The following JMJD1C variants were observed in gnomAD, a reference collection of about 807,000 sequenced individuals.
JMJD1C encodes the protein jumonji domain containing 1C, also known as jumonji domain-containing protein 1C.
In JMJD1C, 31 loss-of-function variants were observed where a neutral mutation model predicts 245.3. That is an observed-to-expected ratio of 0.13 (90% CI 0.09 to 0.17). The LOEUF is 0.17. Ranked by LOEUF, JMJD1C falls within the 10% of genes least tolerant of loss-of-function variation. The pLI, the probability that JMJD1C is intolerant of heterozygous loss-of-function variation, is 1.00. For missense variants in JMJD1C, 2,691 were observed against 3,000.2 expected, an observed-to-expected ratio of 0.90 and a Z score of 2.41; for synonymous variants, 1,057 against 1,017.4, an observed-to-expected ratio of 1.04 and a Z score of -0.74.
In JMJD1C at chr10:63,335,788, G is replaced by C. The variant is rs115365948; in HGVS notation, c.333+44530C>G. ...GGCCTCCCGAAGTGTTGAGATTACA[G>C]GCATGAACCACGGCGCCTGGCATAA... is the stretch of plus-strand genomic sequence containing the variant. On this transcript the variant is annotated intron_variant, in intron 2 of 25. Coordinates refer to ENST00000399262, the MANE Select transcript of JMJD1C (RefSeq NM_032776.3). Among the ~76,000 whole-genome samples, 1,100 of 152,114 alleles carry C rather than the reference G, an allele frequency of 7.2e-3. 17 individuals carry two copies. Among genetic ancestry groups the C allele is most frequent in the African/African-American group, 0.025 (1,043 of 41,516 alleles).
intron 1 of JMJD1C, 106 bp downstream of exon 1, chr10:63,465,378 GGGCGTGACCGC>G: frequency 1.8e-6 from 2 of 1,084,326 alleles, no homozygotes; most frequent in Non-Finnish European, 2.6e-6. Flanking sequence ...TTCAGCAGAG[GGGCGTGACCGC>G]CAGTTGGCCG....
intron 1 of JMJD1C, among the ~76,000 whole-genome samples, chr10:63,424,030 C>T (rs920881560): frequency 3.3e-5 from 5 of 152,078 alleles, no homozygotes; most frequent in Non-Finnish European, 5.9e-5. Flanking sequence ...ATATATTCTG[C>T]ATATTAAACC....
chr10:63,174,963 CATTA>C (rs952647602), intron 24 of JMJD1C, among the ~76,000 whole-genome samples: 2 of 152,044 alleles, frequency 1.3e-5, no homozygotes, highest in African/African-American at 4.8e-5. Context: ...CAGAATTATA[CATTA>C]AATAAGGTAA....
chr10:63,193,675 G>A, intron 14 of JMJD1C: 2 of 381,292 alleles, frequency 5.2e-6, no homozygotes, highest in Non-Finnish European at 9.2e-6. Context: ...TTGTTTTTTT[G>A]TTTTTTTTTG....
chr10:63,204,297 G>C, intron 10 of JMJD1C: 2 of 985,306 alleles, frequency 2.0e-6, no homozygotes, highest in Non-Finnish European at 2.4e-6. Flanking sequence ...TACCAAGCAG[G>C]GGAGATTTGA....
chr10:63,367,455 G>A (rs552448867), intron 2 of JMJD1C, among the ~76,000 whole-genome samples: 7 of 151,924 alleles, frequency 4.6e-5, no homozygotes, highest in Admixed American at 1.3e-4. Context: ...CATGTTGGTC[G>A]GGCTGGTCTC....
In JMJD1C at chr10:63,490,425, T is replaced by TA. The variant is rs1212005532; in HGVS notation, n.113+31312_113+31313insT. The stretch of plus-strand genomic sequence containing the variant: ...TCTATAATTATTTATTTATTTTATT[T>TA]TTTTTTTTTGAGACAAAGTCTCACT... On this transcript the variant is annotated intron_variant and non_coding_transcript_variant, in intron 1 of 3. Transcript: ENST00000633035. Among the ~76,000 whole-genome samples the TA allele has an allele frequency of 1.7e-3, 254 of 151,028 alleles. No homozygotes were observed. In the Middle Eastern group the frequency reaches 0.017, roughly 10 times the overall value.
chr10:63,337,731 TC>T (rs1264632678), intron 2 of JMJD1C, among the ~76,000 whole-genome samples: 1 of 152,122 alleles, frequency 6.6e-6, no homozygotes, highest in African/African-American at 2.4e-5. Flanking sequence ...CCCTCATTCT[TC>T]CTACCACTTG....
chr10:63,472,414 C>G (rs889388392), intron 1 of JMJD1C, among the ~76,000 whole-genome samples: 2 of 152,090 alleles, frequency 1.3e-5, no homozygotes, highest in Non-Finnish European at 2.9e-5. Context: ...CTACTGCAAC[C>G]TCCACCTCCT....
rs117027887 is a variant in JMJD1C at position 63,484,360 on chromosome 10, T to C, written n.113+37378A>G. Among the ~76,000 whole-genome samples, 624 of 152,336 alleles carry C rather than the reference T, an allele frequency of 4.1e-3. 4 individuals carry two copies. Among genetic ancestry groups the C allele is most frequent in the Middle Eastern group, 6.8e-3 (2 of 294 alleles). The stretch of plus-strand genomic sequence containing the variant: ...GAACCACCATTTCAAAAACTCATAA[T>C]GGACTTCGTATTTTTTGAGATCATA... On this transcript the variant is annotated intron_variant and non_coding_transcript_variant, in intron 1 of 3. Coordinates refer to the JMJD1C transcript ENST00000633035.
At chr10:63,282,176 T>C (rs1564731176) in intron 2 of JMJD1C, among the ~76,000 whole-genome samples, 2 of 152,208 alleles carry the variant, frequency 1.3e-5, no homozygotes, top group Non-Finnish European at 2.9e-5. Context: ...TCTACAATTA[T>C]TTCCCCATTA....
chr10:63,299,168 A>C (rs1253319125), intron 2 of JMJD1C, among the ~76,000 whole-genome samples: 1 of 152,140 alleles, frequency 6.6e-6, no homozygotes, highest in Non-Finnish European at 1.5e-5. Flanking sequence ...AAATATCCTT[A>C]AACATTATAA....
intron 2 of JMJD1C, among the ~76,000 whole-genome samples, chr10:63,294,664 C>T (rs969387600): frequency 6.6e-6 from 1 of 152,184 alleles, no homozygotes; most frequent in African/African-American, 2.4e-5. Context: ...TTAATCCTTT[C>T]CTGCTTTATA....
chr10:63,498,345 A>G (rs778045463), intron 1 of JMJD1C, among the ~76,000 whole-genome samples: 1 of 152,184 alleles, frequency 6.6e-6, no homozygotes, highest in African/African-American at 2.4e-5. Context: ...GGCTTCAGAT[A>G]AGCTTTACAT....
At chr10:63,225,386 T>TG in intron 3 of JMJD1C, among the ~76,000 whole-genome samples, 1 of 152,322 alleles carries the variant, frequency 6.6e-6, no homozygotes, top group African/African-American at 2.4e-5. Context: ...AAATGAGGTT[T>TG]GGGGGTACAT....
chr10:63,269,598 C>T (rs1191660937), intron 2 of JMJD1C, among the ~76,000 whole-genome samples: 1 of 151,978 alleles, frequency 6.6e-6, no homozygotes, highest in African/African-American at 2.4e-5. Context: ...TTAGTATAAC[C>T]ATTTTGCCTT....
chr10:63,169,587 A>G (rs1440339285), intron 24 of JMJD1C, among the ~76,000 whole-genome samples: 2 of 152,206 alleles, frequency 1.3e-5, no homozygotes, highest in African/African-American at 4.8e-5. Flanking sequence ...CAGAGGGGCT[A>G]GAATTCCTCC....
intron 1 of JMJD1C, among the ~76,000 whole-genome samples, chr10:63,505,316 CAAA>C (rs145038480): frequency 1.7e-5 from 1 of 57,326 alleles, no homozygotes; most frequent in Admixed American, 1.8e-4. Flanking sequence ...GAGTCCGTCT[CAAA>C]AAAAAAAAAA....
intron 1 of JMJD1C, among the ~76,000 whole-genome samples, chr10:63,458,713 C>CT (rs1554944483): frequency 1.3e-3 from 7 of 5,420 alleles, no homozygotes; most frequent in African/African-American, 2.0e-3. Flanking sequence ...TTAAATATAG[C>CT]TTTTTTTTTA....
Sources: allele counts gnomAD v4.1 joint callset (sites outside exome capture counted in the v4.1 genomes callset), GRCh38; gene constraint gnomAD v4.1.1; transcripts MANE v1.5; gene names NCBI Gene and HGNC (gene_info 2026-07-23, HGNC 2026-07-21).